The following PPM1H variants were observed in gnomAD, a reference collection of about 807,000 sequenced individuals.
PPM1H encodes the protein protein phosphatase, Mg2+/Mn2+ dependent 1H, also known as protein phosphatase 1H.
In PPM1H, 27 loss-of-function variants were observed where a neutral mutation model predicts 54.9. The observed-to-expected ratio is 0.49, with a 90% confidence interval of 0.36 to 0.68. The LOEUF (loss-of-function observed/expected upper bound fraction) is 0.68, where lower values mean the gene tolerates loss of function less well. PPM1H is among the 30% of genes least tolerant of loss of function. The pLI, the probability that PPM1H is intolerant of heterozygous loss-of-function variation, is 0.00. For missense variants in PPM1H, 596 were observed against 667.8 expected (o/e 0.89, Z 1.19); for synonymous variants, 305 against 270.8 (o/e 1.13, Z -1.24).
chr12:62,795,381 A>G (rs998290435), intron 3 of PPM1H, among the ~76,000 whole-genome samples: 2 of 152,136 alleles, frequency 1.3e-5, no homozygotes, highest in Non-Finnish European at 2.9e-5. Flanking sequence ...ATCAAAATAA[A>G]TAAGATATTG....
intron 5 of PPM1H, chr12:62,721,110 G>C (rs988921407): frequency 6.6e-6 from 1 of 152,368 alleles, no homozygotes; most frequent in African/African-American, 2.4e-5. Context: ...GCAGGGAAAA[G>C]AGTGGGCAGA....
At chr12:62,663,025 TG>T (rs1298675622) in intron 9 of PPM1H, among the ~76,000 whole-genome samples, 1 of 152,188 alleles carries the variant, frequency 6.6e-6, no homozygotes, top group Non-Finnish European at 1.5e-5. Flanking sequence ...ATTATGTTTT[TG>T]AGATTCTTCC....
chr12:62,891,510 C>T (rs1432700887), intron 1 of PPM1H, among the ~76,000 whole-genome samples: 1 of 152,206 alleles, frequency 6.6e-6, no homozygotes, highest in Non-Finnish European at 1.5e-5. Flanking sequence ...TCTTCACCTG[C>T]CCAGTTTGCC....
At chr12:62,851,131 A>C (rs1381077347) in intron 1 of PPM1H, among the ~76,000 whole-genome samples, 1 of 152,158 alleles carries the variant, frequency 6.6e-6, no homozygotes, top group Non-Finnish European at 1.5e-5. Flanking sequence ...TGGTTTCCAA[A>C]TACTACTCCC....
chr12:62,727,768 C>A (rs1048016940), intron 5 of PPM1H, among the ~76,000 whole-genome samples: 3 of 151,662 alleles, frequency 2.0e-5, no homozygotes, highest in Non-Finnish European at 4.4e-5. Context: ...TCAAGTGATT[C>A]TCCCACCTCA....
intron 1 of PPM1H, among the ~76,000 whole-genome samples, chr12:62,856,071 G>A (rs900601113): frequency 2.0e-5 from 3 of 152,192 alleles, no homozygotes; most frequent in African/African-American, 7.2e-5. Context: ...ACTGGGTACT[G>A]TTCCCTCTAA....
At chr12:62,667,136 A>C in intron 9 of PPM1H, 42 bp downstream of exon 9, 1 of 1,499,396 alleles carries the variant, frequency 6.7e-7, no homozygotes, top group Non-Finnish European at 9.1e-7. Context: ...GTCATGGAAG[A>C]ATGCTTGAGG....
At chr12:62,705,569 T>G (rs1158297649) in intron 6 of PPM1H, among the ~76,000 whole-genome samples, 1 of 152,220 alleles carries the variant, frequency 6.6e-6, no homozygotes, top group African/African-American at 2.4e-5. Flanking sequence ...ACTAATAATA[T>G]TTCAGGATAA....
At chr12:62,865,307 C>T (rs1424169938) in intron 1 of PPM1H, among the ~76,000 whole-genome samples, 1 of 152,198 alleles carries the variant, frequency 6.6e-6, no homozygotes, top group African/African-American at 2.4e-5. Flanking sequence ...AACCATCCCA[C>T]AAACTGCCAT....
At chr12:62,823,499 A>G (rs1226582524) in intron 2 of PPM1H, among the ~76,000 whole-genome samples, 2 of 152,208 alleles carry the variant, frequency 1.3e-5, no homozygotes, top group Non-Finnish European at 2.9e-5. Context: ...AAAATCCTCA[A>G]TAAAATACTG....
rs1239630319 is a variant in PPM1H at position 62,803,597 on chromosome 12, GA to G, written c.412-1438del. 4.6e-5 allele frequency among the ~76,000 whole-genome samples: 7 copies of G among 152,010 alleles called. No homozygotes were observed. In the South Asian group the frequency reaches 1.5e-3, roughly 32 times the overall value. ...AAGACGTGAAATCATAAAACTCCTA[GA>G]AAAAAACATGGGGGAAAAAAACTCC... On this transcript the variant is annotated intron_variant, in intron 2 of 9. Coordinates refer to ENST00000228705, the MANE Select transcript of PPM1H (RefSeq NM_020700.2).
chr12:62,860,834 G>A (rs1300416918), intron 1 of PPM1H, among the ~76,000 whole-genome samples: 1 of 152,180 alleles, frequency 6.6e-6, no homozygotes, highest in African/African-American at 2.4e-5. Flanking sequence ...CCTCGCCACA[G>A]AAACAATGGG....
intron 4 of PPM1H, among the ~76,000 whole-genome samples, chr12:62,754,245 A>C (rs1169349543): frequency 4.6e-5 from 7 of 152,174 alleles, no homozygotes; most frequent in African/African-American, 1.4e-4. Flanking sequence ...TGGATTCTGC[A>C]CTGTGAGAAG....
At chr12:62,806,609 A>T (rs1214558527) in intron 2 of PPM1H, among the ~76,000 whole-genome samples, 2 of 152,030 alleles carry the variant, frequency 1.3e-5, no homozygotes, top group Non-Finnish European at 2.9e-5. Context: ...GTGAGTTCTC[A>T]CGAGATCTGG....
At chr12:62,836,224 G>C (rs1475207274) in intron 1 of PPM1H, among the ~76,000 whole-genome samples, 3 of 152,192 alleles carry the variant, frequency 2.0e-5, no homozygotes, top group Non-Finnish European at 4.4e-5. Flanking sequence ...TTTACAAAGA[G>C]GGAAAGTATT....
intron 2 of PPM1H, among the ~76,000 whole-genome samples, chr12:62,823,446 A>G (rs4378444): frequency 0.088 from 13,367 of 152,234 alleles, 647 homozygotes; most frequent in Middle Eastern, 0.13. Flanking sequence ...ACACAACAAA[A>G]AAAGAGCATT....
Position 62,881,724 on chromosome 12 carries a change from T to A in PPM1H, c.246-49445A>T, listed in dbSNP as rs192591243. On this transcript the variant is annotated intron_variant, in intron 1 of 9. Transcript: ENST00000228705. ...TCTTCCCTCCTCACCTCAGCTCAAATCAAGTTGATTCCATCTCTTCAATAG... is the reference window on the plus strand; with the variant it reads ...TCTTCCCTCCTCACCTCAGCTCAAAACAAGTTGATTCCATCTCTTCAATAG... Among the ~76,000 whole-genome samples, 5 of 152,326 alleles carry A rather than the reference T, an allele frequency of 3.3e-5. No individual in the cohort carries two copies. The East Asian group carries it at 9.6e-4, about 29-fold the overall frequency.
chr12:62,713,779 G>T (rs2076220887), intron 6 of PPM1H, among the ~76,000 whole-genome samples: 1 of 152,060 alleles, frequency 6.6e-6, no homozygotes, highest in African/African-American at 2.4e-5. Flanking sequence ...GACCAGTCTA[G>T]GCAACATGGC....
At chr12:62,681,677 C>G (rs1309926164) in intron 8 of PPM1H, among the ~76,000 whole-genome samples, 1 of 152,194 alleles carries the variant, frequency 6.6e-6, no homozygotes, top group Non-Finnish European at 1.5e-5. Context: ...CCTCCTATAT[C>G]CAAATCCCCT....
Sources: allele counts gnomAD v4.1 joint callset (sites outside exome capture counted in the v4.1 genomes callset), GRCh38; gene constraint gnomAD v4.1.1; transcripts MANE v1.5; gene names NCBI Gene and HGNC (gene_info 2026-07-23, HGNC 2026-07-21).